KRR1: variants seen among roughly 807,000 people sequenced by gnomAD.
KRR1 encodes KRR1 small subunit processome component.
In KRR1, 23 loss-of-function variants were observed where a neutral mutation model predicts 50.0. That is an observed-to-expected ratio of 0.46 (90% CI 0.33 to 0.65). The LOEUF is 0.65. Among genes scored for constraint, KRR1 ranks in the 30% least tolerant of loss-of-function variants. KRR1 has a pLI of 0.02. For missense variants in KRR1, 419 were observed against 442.4 expected (o/e 0.95, Z 0.47); for synonymous variants, 133 against 146.3 (o/e 0.91, Z 0.66).
Position 75,493,051 on chromosome 12 carries a change from A to C in KRR1, c.*6758T>G, listed in dbSNP as rs2046332038. The C allele has an allele frequency of 6.6e-6, 1 of 152,238 alleles. No homozygotes were observed. The highest frequency in any genetic ancestry group is 1.5e-5 in the Non-Finnish European group (1 of 68,040). The allele number at this position is 152,238 out of a possible 1,614,324, so 9.4% of individuals were successfully genotyped here. A position where few individuals can be genotyped will look rare whatever the true frequency, so the allele number is the denominator to read the frequency against. On this transcript the variant is annotated 3_prime_UTR_variant, in exon 10 of 10. Coordinates refer to ENST00000229214, the MANE Select transcript of KRR1 (RefSeq NM_007043.7). ...AAACTTCCGTGAAGAAAAGTTTGGC[A>C]AGTTTAAACCACAGAGACTGGTGCC... is the stretch of plus-strand genomic sequence containing the variant.
chr12:75,495,566 C>A lies in KRR1; in HGVS notation c.*4243G>T. The A allele has an allele frequency of 6.5e-7, 1 of 1,531,742 alleles. No homozygotes were observed. The highest frequency in any genetic ancestry group is 9.0e-7 in the Non-Finnish European group (1 of 1,105,964). The allele number at this position is 1,531,742 out of a possible 1,614,324, so 94.9% of individuals were successfully genotyped here. ...AAAACTTCTAATGGACATCCTTCTTCTGCTTTACAGAGGGAATTACCCAAC... is the reference window on the plus strand; with the variant it reads ...AAAACTTCTAATGGACATCCTTCTTATGCTTTACAGAGGGAATTACCCAAC... On this transcript the variant is annotated 3_prime_UTR_variant, in exon 10 of 10. Coordinates refer to ENST00000229214, the MANE Select transcript of KRR1 (RefSeq NM_007043.7).
At position 75,503,965 on chromosome 12, in the gene KRR1, G is replaced by A. The variant is rs1262355242; in HGVS notation, c.770C>T (p.Pro257Leu). ...TTCTTTCTTAACAGTTTTTTTCTTT[G>A]GTTCCTTGCGTTTATTCACATTTTT... ...KHKNVNKRKE[P>L]KKKTVKKEYT... The change falls in exon 7 of 10, where the codon CCA becomes CTA. Residue 257 changes from proline to leucine, a missense_variant. Coordinates refer to ENST00000229214, the MANE Select transcript of KRR1 (RefSeq NM_007043.7). 2.5e-6 allele frequency: 4 copies of A among 1,611,258 alleles called. No individual in the cohort carries two copies. In the Admixed American group the frequency reaches 6.7e-5, roughly 27 times the overall value.
chr12:75,499,711 AG>A lies in KRR1; in HGVS notation c.*97del. On this transcript the variant is annotated 3_prime_UTR_variant, in exon 10 of 10. Coordinates refer to ENST00000229214, the MANE Select transcript of KRR1 (RefSeq NM_007043.7). The stretch of plus-strand genomic sequence containing the variant: ...AACCACCACCACCAAAAAAAAAAAA[AG>A]CCCTCAGAAAATTTCTCACAAATAA... The A allele has an allele frequency of 5.5e-6, 4 of 725,832 alleles. No individual in the cohort carries two copies. Among genetic ancestry groups the A allele is most frequent in the East Asian group, 2.9e-5 (1 of 34,476 alleles). The allele number at this position is 725,832 out of a possible 1,614,324, so 45.0% of individuals were successfully genotyped here.
At chr12:75,499,976 A>G (rs1439786362) in intron 9 of KRR1, 25 bp from the exon 10 acceptor site, 8 of 1,557,100 alleles carry the variant, frequency 5.1e-6, no homozygotes, top group Non-Finnish European at 4.3e-6. Context: ...AGCACAACAC[A>G]TGTAATACTT....
intron 9 of KRR1, 90 bp downstream of exon 9, chr12:75,501,633 T>TA (rs1425858555): frequency 1.2e-6 from 1 of 807,900 alleles, no homozygotes. Context: ...GATGAAAAGA[T>TA]ACAACTGTTT....
rs2046323280 is a variant in KRR1, at chr12:75,491,420, T to C, written c.*8389A>G. The C allele has an allele frequency of 6.6e-6, 1 of 152,220 alleles. No individual in the cohort carries two copies. The highest frequency in any genetic ancestry group is 2.4e-5 in the African/African-American group (1 of 41,462). The allele number at this position is 152,220 out of a possible 1,614,324, so 9.4% of individuals were successfully genotyped here. On this transcript the variant is annotated 3_prime_UTR_variant, in exon 10 of 10. Transcript: ENST00000229214. ...TGCTCTTGATGGTACCACCATCCTG[T>C]TGAAGAATTTAGATTGTTCACTATA...
At chr12:75,501,660 C>T in intron 9 of KRR1, 63 bp downstream of exon 9, 2 of 1,088,838 alleles carry the variant, frequency 1.8e-6, no homozygotes, top group Non-Finnish European at 1.4e-6. Context: ...AAGATTCAGA[C>T]AAATTTATTA....
chr12:75,497,887 A>T lies in KRR1; in HGVS notation c.*1922T>A, dbSNP rs2046360830. 7.7e-6 allele frequency: 1 copy of T among 129,298 alleles called. No individual in the cohort carries two copies. Among genetic ancestry groups the T allele is most frequent in the Non-Finnish European group, 1.8e-5 (1 of 55,692 alleles). 8.0% of individuals were successfully genotyped at this position (129,298 alleles called of 1,614,324 possible). The stretch of plus-strand genomic sequence containing the variant: ...AATAGTTGAATATTGAACATTTAAA[A>T]ATATATATAAAAAAAAATAACTAGA... On this transcript the variant is annotated 3_prime_UTR_variant, in exon 10 of 10. Transcript: ENST00000229214.
intron 5 of KRR1, 22 bp downstream of exon 5, chr12:75,506,294 G>T: frequency 7.0e-7 from 1 of 1,432,684 alleles, no homozygotes; most frequent in Non-Finnish European, 9.7e-7. Context: ...AAAATGAATC[G>T]AAGATAATAC....
intron 1 of KRR1, among the ~76,000 whole-genome samples, chr12:75,511,266 G>A (rs2046447082): frequency 6.6e-6 from 1 of 152,244 alleles, no homozygotes; most frequent in East Asian, 1.9e-4. Flanking sequence ...TTTTACAAAA[G>A]ACGTAATCCG....
In KRR1 at chr12:75,499,686, A is replaced by AACC. The variant is rs1035826809; in HGVS notation, c.*120_*122dup. On this transcript the variant is annotated 3_prime_UTR_variant, in exon 10 of 10. Transcript: ENST00000229214. ...TTATAAAGAACACTCTTCTATGAAC[A>AACC]ACCACCACCACCAAAAAAAAAAAAA... The AACC allele has an allele frequency of 5.4e-6, 3 of 557,368 alleles. No individual in the cohort carries two copies. In the African/African-American group the frequency reaches 6.1e-5, roughly 11 times the overall value. 34.5% of individuals were successfully genotyped at this position (557,368 alleles called of 1,614,324 possible). A position where few individuals can be genotyped will look rare whatever the true frequency, so the allele number is the denominator to read the frequency against.
rs2046372489 is a variant in KRR1 at position 75,499,147 on chromosome 12, C to T, written c.*662G>A. ...AAATTTCCTAACTCTATCAGATAAA[C>T]TCATCTTTAGTATAAATAAGCATTA... On this transcript the variant is annotated 3_prime_UTR_variant, in exon 10 of 10. Transcript: ENST00000229214. The T allele has an allele frequency of 4.3e-6, 2 of 467,354 alleles. No homozygotes were observed. Among genetic ancestry groups the T allele is most frequent in the South Asian group, 3.9e-5 (1 of 25,884 alleles). 29.0% of individuals were successfully genotyped at this position (467,354 alleles called of 1,614,324 possible). A position where few individuals can be genotyped will look rare whatever the true frequency, so the allele number is the denominator to read the frequency against.
chr12:75,500,944 A>G (rs1443335279), intron 9 of KRR1: 1 of 152,072 alleles, frequency 6.6e-6, no homozygotes, highest in East Asian at 1.9e-4. Context: ...ATAACCAATA[A>G]TCTACCATAG....
At chr12:75,510,774 T>C (rs1175019868) in intron 1 of KRR1, among the ~76,000 whole-genome samples, 3 of 152,240 alleles carry the variant, frequency 2.0e-5, no homozygotes, top group Admixed American at 1.3e-4. Context: ...TCCCCTGCTA[T>C]GTACGTTACA....
At position 75,498,804 on chromosome 12, in the gene KRR1, A is replaced by G. The variant is rs1269537451; in HGVS notation, c.*1005T>C. 6.2e-6 allele frequency: 10 copies of G among 1,611,936 alleles called. No individual in the cohort carries two copies. The highest frequency in any genetic ancestry group is 8.5e-7 in the Non-Finnish European group (1 of 1,178,466). On this transcript the variant is annotated 3_prime_UTR_variant, in exon 10 of 10. Transcript: ENST00000229214. ...TATGAGGAACAATGTCTAAGAGGAT[A>G]TTCTATGTTTGTTTCACAGGTTACT...
chr12:75,501,697 G>T (rs1407939288), intron 9 of KRR1, 26 bp downstream of exon 9: 3 of 1,431,902 alleles, frequency 2.1e-6, no homozygotes, highest in South Asian at 2.4e-5. Flanking sequence ...AATTAATAAA[G>T]ACTTTTACAT....
chr12:75,508,225 A>T, intron 2 of KRR1, 49 bp downstream of exon 2: 1 of 1,417,596 alleles, frequency 7.1e-7, no homozygotes, highest in Non-Finnish European at 9.5e-7. Context: ...TTAAAGGCAT[A>T]AGCAAGAGCA....
chr12:75,506,615 G>GGAAAAAAAA lies in KRR1; in HGVS notation c.394-7_394-6insTTTTTTTTC. The stretch of plus-strand genomic sequence containing the variant: ...TCCTGAAGAATTCGTACTGCCTTTT[G>GGAAAAAAAA]CAAAAAAAAAAAAAAAAAGAAGACA... On this transcript the variant is annotated splice_polypyrimidine_tract_variant and splice_region_variant and intron_variant, in intron 3 of 9. Coordinates refer to ENST00000229214, the MANE Select transcript of KRR1 (RefSeq NM_007043.7). 8.1e-7 allele frequency: 1 copy of GGAAAAAAAA among 1,229,642 alleles called. No individual in the cohort carries two copies. Among genetic ancestry groups the GGAAAAAAAA allele is most frequent in the Non-Finnish European group, 1.0e-6 (1 of 979,048 alleles). The allele number at this position is 1,229,642 out of a possible 1,614,324, so 76.2% of individuals were successfully genotyped here. A position where few individuals can be genotyped will look rare whatever the true frequency, so the allele number is the denominator to read the frequency against.
rs375305041 is a variant in KRR1 at position 75,492,768 on chromosome 12, G to C, written c.*7041C>G. 2.0e-5 allele frequency: 3 copies of C among 152,146 alleles called. No homozygotes were observed. Among genetic ancestry groups the C allele is most frequent in the African/African-American group, 7.2e-5 (3 of 41,414 alleles). 9.4% of individuals were successfully genotyped at this position (152,146 alleles called of 1,614,324 possible). A position where few individuals can be genotyped will look rare whatever the true frequency, so the allele number is the denominator to read the frequency against. ...TTTTACTGAGCTCCAAAGGAGAACA[G>C]GGCAGTCTCTGTCTTTATGAGAGTA... On this transcript the variant is annotated 3_prime_UTR_variant, in exon 10 of 10. Transcript: ENST00000229214.
Sources: allele counts gnomAD v4.1 joint callset (sites outside exome capture counted in the v4.1 genomes callset), GRCh38; gene constraint gnomAD v4.1.1; transcripts MANE v1.5; gene names NCBI Gene and HGNC (gene_info 2026-07-23, HGNC 2026-07-21).